The following MYH13 variants were observed in gnomAD, a reference collection of about 807,000 sequenced individuals.
MYH13 encodes myosin heavy chain 13, also known as myosin-13.
A neutral mutation model predicts 232.1 loss-of-function variants in MYH13; 177 were observed. That is an observed-to-expected ratio of 0.76 (90% confidence interval 0.67 to 0.86). The LOEUF (loss-of-function observed/expected upper bound fraction) is 0.86, where lower values mean the gene tolerates loss of function less well. Among genes scored for constraint, MYH13 ranks in the 40% least tolerant of loss-of-function variants. MYH13 has a pLI of 0.00. For missense variants in MYH13, 2,246 were observed against 2,405.9 expected, an observed-to-expected ratio of 0.93 and a Z score of 1.39; for synonymous variants, 884 against 923.5, an observed-to-expected ratio of 0.96 and a Z score of 0.78.
chr17:10,372,677 A>G (rs1435932108), intron 1 of MYH13, among the ~76,000 whole-genome samples: 1 of 152,260 alleles, frequency 6.6e-6, no homozygotes, highest in South Asian at 2.1e-4. Flanking sequence ...ACTGAACAGT[A>G]TAACATTGAC....
At chr17:10,322,866 C>T (rs1179142498) in intron 23 of MYH13, among the ~76,000 whole-genome samples, 1 of 152,136 alleles carries the variant, frequency 6.6e-6, no homozygotes, top group East Asian at 1.9e-4. Context: ...ATCTCCTGAC[C>T]TCGTGGTCTG....
chr17:10,332,341 C>A (rs1407245383), intron 19 of MYH13, 119 bp from the exon 20 acceptor site: 1 of 1,341,042 alleles, frequency 7.5e-7, no homozygotes, highest in Non-Finnish European at 1.0e-6. Flanking sequence ...TACTGTACAG[C>A]TGGTCTGGGA....
At chr17:10,349,230 G>A (rs972429376) in intron 12 of MYH13, among the ~76,000 whole-genome samples, 1 of 152,096 alleles carries the variant, frequency 6.6e-6, no homozygotes, top group Non-Finnish European at 1.5e-5. Flanking sequence ...AGTCTCCCGA[G>A]TAGCTGGGAA....
intron 13 of MYH13, 48 bp downstream of exon 13, chr17:10,346,632 C>G (rs1052409389): frequency 1.4e-6 from 2 of 1,464,582 alleles, no homozygotes; most frequent in Admixed American, 1.8e-5. Flanking sequence ...GATAATGGCT[C>G]AAATAGCAAA....
At chr17:10,346,582 T>G in intron 13 of MYH13, 98 bp downstream of exon 13, 2 of 906,552 alleles carry the variant, frequency 2.2e-6, no homozygotes, top group Non-Finnish European at 3.4e-6. Flanking sequence ...AAAGCTGATT[T>G]CATGTGCATT....
rs184530350 is a variant in MYH13 at position 10,353,549 on chromosome 17, T to A, written c.1005+1131A>T. Among the ~76,000 whole-genome samples the A allele has an allele frequency of 4.2e-3, 644 of 152,216 alleles. 11 individuals carry two copies. Among genetic ancestry groups the A allele is most frequent in the African/African-American group, 0.015 (624 of 41,528 alleles). ...TTAATTAAAAATGTAAGCTCTGTAG[T>A]TAGGCAGACCTGTGTTTAAATACTC... On this transcript the variant is annotated intron_variant, in intron 11 of 40. Coordinates refer to ENST00000252172, the MANE Select transcript of MYH13 (RefSeq NM_003802.3).
At chr17:10,315,426 G>A (rs939059823) in intron 29 of MYH13, among the ~76,000 whole-genome samples, 1 of 152,136 alleles carries the variant, frequency 6.6e-6, no homozygotes, top group Non-Finnish European at 1.5e-5. Flanking sequence ...CGAGTAGCTG[G>A]GATTACGGGC....
chr17:10,327,842 C>A, intron 22 of MYH13, 24 bp downstream of exon 22: 1 of 1,598,916 alleles, frequency 6.3e-7, no homozygotes, highest in Middle Eastern at 2.0e-4. Flanking sequence ...CTGTGTTTTG[C>A]GTTCTCAAGT....
At chr17:10,308,095 C>T (rs940210013) in intron 35 of MYH13, among the ~76,000 whole-genome samples, 11 of 152,136 alleles carry the variant, frequency 7.2e-5, no homozygotes, top group South Asian at 2.1e-4. Flanking sequence ...GAGGCTGAGG[C>T]GGGCGGATCA....
chr17:10,318,864 C>G lies in MYH13; in HGVS notation c.3664G>C (p.Glu1222Gln). The part of the protein sequence containing the change: ...DNLQRVKQKL[E>Q]KEKSELKMEI... Reference sequence around the variant, plus strand: ...ATCTTCAGCTCGCTCTTCTCCTTCTCCAGCTTCTGCTTCACCCGCTGCAGG... The same window carrying G: ...ATCTTCAGCTCGCTCTTCTCCTTCTGCAGCTTCTGCTTCACCCGCTGCAGG... The change falls in exon 27 of 41, where the codon GAG becomes CAG. Residue 1222 changes from glutamate to glutamine, a missense_variant. Transcript: ENST00000252172. The G allele has an allele frequency of 6.2e-6, 10 of 1,614,146 alleles. No individual in the cohort carries two copies. Among genetic ancestry groups the G allele is most frequent in the Non-Finnish European group, 8.5e-6 (10 of 1,180,040 alleles).
At chr17:10,314,111 C>T (rs946925406) in intron 29 of MYH13, among the ~76,000 whole-genome samples, 1 of 152,192 alleles carries the variant, frequency 6.6e-6, no homozygotes, top group African/African-American at 2.4e-5. Context: ...GTAATTTGTA[C>T]ATTTTCATCT....
chr17:10,322,265 G>GCA lies in MYH13; in HGVS notation c.2935-558_2935-557insTG, dbSNP rs1906976785. ...AAAAAAAAATTAGCCAGGCATGGTG[G>GCA]TGGGCACCTGTAGTCCCAGCTACTC... On this transcript the variant is annotated intron_variant, in intron 23 of 40. Transcript: ENST00000252172. 1.2e-4 allele frequency among the ~76,000 whole-genome samples: 19 copies of GCA among 152,184 alleles called. No individual in the cohort carries two copies. In the South Asian group the frequency reaches 3.9e-3, roughly 32 times the overall value.
chr17:10,300,946 G>A lies in MYH13; in HGVS notation c.*5C>T, dbSNP rs746629585. ...TGTCCCATGGCAACGAGCATCAGGT[G>A]AGCCTCATTCTTCCATCTTCTGTGG... is the stretch of plus-strand genomic sequence containing the variant. On this transcript the variant is annotated 3_prime_UTR_variant, in exon 41 of 41. Transcript: ENST00000252172. 1 of 1,612,850 alleles carries A rather than the reference G, an allele frequency of 6.2e-7. No homozygotes were observed. Among genetic ancestry groups the A allele is most frequent in the Non-Finnish European group, 8.5e-7 (1 of 1,179,240 alleles).
In MYH13 at chr17:10,331,093, G is replaced by A. The variant is rs139582446; in HGVS notation, c.2299-570C>T. Among the ~76,000 whole-genome samples the A allele has an allele frequency of 6.8e-4, 104 of 152,272 alleles. 1 individual carries two copies. In the East Asian group the frequency reaches 0.019, roughly 28 times the overall value. On this transcript the variant is annotated intron_variant, in intron 20 of 40. Coordinates refer to ENST00000252172, the MANE Select transcript of MYH13 (RefSeq NM_003802.3). The stretch of plus-strand genomic sequence containing the variant: ...GTTCCAGGCCCCACCAACCCACAGA[G>A]ATCAGTTCTGACAGAGCTCACATAC...
In MYH13 at chr17:10,306,946, A is replaced by G; in HGVS notation, c.5288T>C (p.Ile1763Thr). Residue 1763 changes from isoleucine (I) to threonine (T), a missense_variant, in exon 36 of 41, where the codon ATC (isoleucine) becomes ACC (threonine). Transcript: ENST00000252172. The surrounding 1 kb of genome is among the most constrained non-coding windows in gnomAD (Gnocchi z 4.3). Reference sequence around the variant, plus strand: ...AGGAAGAACAGAGCTCACATCCGTGATGGCCTTCTTGGCCTTCTCCTCTGC... The same window carrying G: ...AGGAAGAACAGAGCTCACATCCGTGGTGGCCTTCTTGGCCTTCTCCTCTGC... Reference protein sequence around the residue: ...RNAEEKAKKAITDAAMMAEEL... With the variant: ...RNAEEKAKKATTDAAMMAEEL... The G allele has an allele frequency of 1.2e-6, 2 of 1,613,654 alleles. No homozygotes were observed. Among genetic ancestry groups the G allele is most frequent in the Non-Finnish European group, 1.7e-6 (2 of 1,179,936 alleles).
rs374110457 is a variant in MYH13, at chr17:10,321,527, C to T, written c.3111+5G>A. 3.2e-5 allele frequency: 52 copies of T among 1,609,322 alleles called. No individual in the cohort carries two copies. In the African/African-American group the frequency reaches 6.7e-4, roughly 21 times the overall value. On this transcript the variant is annotated splice_donor_5th_base_variant and intron_variant, in intron 24 of 40. Transcript: ENST00000252172. ...TGCTAAAGCATAGTAGTAAAATATC[C>T]TCACATCATCTGTTTGCTGTTCAAG... is the stretch of plus-strand genomic sequence containing the variant.
chr17:10,321,068 G>A (rs1010093841), intron 24 of MYH13, among the ~76,000 whole-genome samples: 5 of 152,120 alleles, frequency 3.3e-5, no homozygotes, highest in African/African-American at 1.2e-4. Flanking sequence ...AACTTCAAAC[G>A]TGGCTCTTAC....
At chr17:10,369,794 T>C (rs117619081) in intron 2 of MYH13, among the ~76,000 whole-genome samples, 1 of 152,246 alleles carries the variant, frequency 6.6e-6, no homozygotes, top group South Asian at 2.1e-4. Context: ...ATTCCTGCAA[T>C]GGTGCATCTA....
In MYH13 at chr17:10,311,221, A is replaced by G. The variant is rs1906499519; in HGVS notation, c.4538T>C (p.Ile1513Thr). Residue 1513 changes from isoleucine to threonine, a missense_variant, in exon 33 of 41, where the codon ATT (isoleucine) becomes ACT (threonine). Coordinates refer to ENST00000252172, the MANE Select transcript of MYH13 (RefSeq NM_003802.3). The part of the protein sequence containing the change: ...RRENKNLQEE[I>T]SDLTEQIAET... The stretch of plus-strand genomic sequence containing the variant: ...TGCAATCTGCTCAGTTAAGTCGGAA[A>G]TCTCTTCTGCAAAGGACAGGCTTGA... 1.2e-6 allele frequency: 2 copies of G among 1,613,972 alleles called. No individual in the cohort carries two copies. Among genetic ancestry groups the G allele is most frequent in the Non-Finnish European group, 1.7e-6 (2 of 1,179,890 alleles).
Sources: gnomAD v4.1 joint callset for allele counts (sites outside exome capture counted in the v4.1 genomes callset) on GRCh38, gnomAD v4.1.1 for gene constraint, Gnocchi (gnomAD v3.1) non-coding constraint, MANE v1.5 for transcripts, NCBI Gene and HGNC (gene_info 2026-07-23, HGNC 2026-07-21) for gene names.